Variants in DIO1 observed in about 807,000 individuals in gnomAD.
DIO1 encodes the protein type I iodothyronine deiodinase.
A neutral mutation model predicts 25.9 loss-of-function variants in DIO1; 17 were observed. The ratio of observed to expected loss-of-function variants is 0.66; its 90% CI spans 0.45 to 0.98. The LOEUF (loss-of-function observed/expected upper bound fraction) is 0.98, where lower values mean the gene tolerates loss of function less well. Among genes scored for constraint, DIO1 ranks in the 50% least tolerant of loss-of-function variants. DIO1 has a pLI of 0.00. For missense variants in DIO1, 270 were observed against 310.4 expected (o/e 0.87, Z 0.98); for synonymous variants, 115 against 114.0 (o/e 1.01, Z -0.05).
chr1:53,908,059 T>A (rs1187704004), intron 3 of DIO1, among the ~76,000 whole-genome samples: 1 of 149,740 alleles, frequency 6.7e-6, no homozygotes, highest in African/African-American at 2.5e-5. Flanking sequence ...CTGTCTCTAC[T>A]AAAAATACAA....
intron 1 of DIO1, among the ~76,000 whole-genome samples, chr1:53,895,497 T>C (rs1179640073): frequency 6.6e-6 from 1 of 152,226 alleles, no homozygotes; most frequent in East Asian, 1.9e-4. Context: ...TTTCGTCGAC[T>C]TGAGTTCTTG....
At chr1:53,909,042 A>G (rs1651799908) in intron 3 of DIO1, among the ~76,000 whole-genome samples, 2 of 147,116 alleles carry the variant, frequency 1.4e-5, no homozygotes, top group African/African-American at 5.0e-5. Context: ...TGCAGTGAGC[A>G]AAGATTGTGC....
intron 1 of DIO1, among the ~76,000 whole-genome samples, chr1:53,904,047 C>T (rs2100773956): frequency 6.7e-6 from 1 of 149,420 alleles, no homozygotes; most frequent in Middle Eastern, 3.4e-3. Flanking sequence ...AAGCTCATAG[C>T]AACAGCTTAT....
intron 3 of DIO1, among the ~76,000 whole-genome samples, chr1:53,909,110 A>G (rs1651806735): frequency 6.9e-6 from 1 of 145,790 alleles, no homozygotes; most frequent in African/African-American, 2.6e-5. Flanking sequence ...AAAAGAAAAG[A>G]AAAAGAAAGT....
At position 53,904,680 on chromosome 1, in the gene DIO1, G is replaced by C. The variant is rs771898897; in HGVS notation, c.352G>C (p.Val118Leu). Residue 118 changes from valine (V) to leucine (L), a missense_variant, in exon 2 of 4, where the codon GTG becomes CTG. Physicochemically the swap from Val to Leu is conservative, Grantham distance 32. Coordinates refer to ENST00000361921, the MANE Select transcript of DIO1 (RefSeq NM_000792.7). ...TGCTGTTTCAGGTAATAGGCCACTG[G>C]TGCTGAATTTTGGAAGTTGTACCTG... ...WEFMQGNRPL[V>L]LNFGSCTUPS... The C allele has an allele frequency of 6.2e-7, 1 of 1,613,650 alleles. No homozygotes were observed. Among genetic ancestry groups the C allele is most frequent in the South Asian group, 1.1e-5 (1 of 90,934 alleles).
At chr1:53,901,022 G>T (rs72662390) in intron 1 of DIO1, among the ~76,000 whole-genome samples, 18,166 of 125,178 alleles carry the variant, frequency 0.15, 1,414 homozygotes, top group South Asian at 0.28. Context: ...CAGAGATAAG[G>T]TCTCACTGTG....
rs1569730034 is a variant in DIO1, at chr1:53,905,461, C to CTGT, written c.482-634_482-633insTGT. 3.9e-5 allele frequency among the ~76,000 whole-genome samples: 6 copies of CTGT among 152,126 alleles called. No individual in the cohort carries two copies. In the East Asian group the frequency reaches 9.6e-4, roughly 24 times the overall value. Reference sequence around the variant, plus strand: ...AAGTGCTGGAATTACAGTCGTGAGCCACTGCACCCAGCCTATATTTGTATT... The same window carrying CTGT: ...AAGTGCTGGAATTACAGTCGTGAGCCTGTACTGCACCCAGCCTATATTTGTATT... On this transcript the variant is annotated intron_variant, in intron 2 of 3. Transcript: ENST00000361921.
chr1:53,903,899 C>T (rs1384884479), intron 1 of DIO1, among the ~76,000 whole-genome samples: 1 of 151,888 alleles, frequency 6.6e-6, no homozygotes, highest in Non-Finnish European at 1.5e-5. Context: ...CTTTCCCCCA[C>T]TTTTTGAACA....
intron 2 of DIO1, 28 bp downstream of exon 2, chr1:53,904,837 C>A: frequency 6.3e-7 from 1 of 1,596,966 alleles, no homozygotes. Context: ...GCCTCTTCTA[C>A]CTCTTCCCAC....
At chr1:53,897,842 G>A (rs1651156687) in intron 1 of DIO1, among the ~76,000 whole-genome samples, 1 of 152,196 alleles carries the variant, frequency 6.6e-6, no homozygotes, top group African/African-American at 2.4e-5. Context: ...ACAGAGTTAA[G>A]ACCTTGTCTC....
chr1:53,898,744 C>CAAAAAAAAAA (rs60469690), intron 1 of DIO1, among the ~76,000 whole-genome samples: 105 of 106,528 alleles, frequency 9.9e-4, no homozygotes, highest in East Asian at 8.5e-3. Flanking sequence ...GACTCTGTCT[C>CAAAAAAAAAA]AAAAAAAAAA....
intron 3 of DIO1, among the ~76,000 whole-genome samples, chr1:53,907,268 G>A (rs1229162985): frequency 6.6e-6 from 1 of 152,156 alleles, no homozygotes. Context: ...GGTAAGCACA[G>A]CCTCTGACTC....
In DIO1 at chr1:53,894,929, C is replaced by A. The variant is rs1297914750; in HGVS notation, c.337+382C>A. ...AGCCCAACTCTCCCATACTAGGCTA[C>A]CCTCTCTCATCTGCCTGCTTAACAT... is the stretch of plus-strand genomic sequence containing the variant. On this transcript the variant is annotated intron_variant, in intron 1 of 3. Transcript: ENST00000361921. The surrounding 1 kb of genome is among the most constrained non-coding windows in gnomAD (Gnocchi z 4.9). Among the ~76,000 whole-genome samples the A allele has an allele frequency of 1.3e-5, 2 of 152,234 alleles. No homozygotes were observed. Among genetic ancestry groups the A allele is most frequent in the African/African-American group, 2.4e-5 (1 of 41,460 alleles).
Position 53,904,704 on chromosome 1 carries a change from T to C in DIO1, c.376T>C (p.Sec126Arg). ...GGTGCTGAATTTTGGAAGTTGTACC[T>C]GACCTTCATTTATGTTCAAATTTGA... The part of the protein sequence containing the change: ...PLVLNFGSCT[U>R]PSFMFKFDQF... Residue 126 changes from selenocysteine to arginine, a missense_variant, in exon 2 of 4, where the codon TGA becomes CGA. Coordinates refer to ENST00000361921, the MANE Select transcript of DIO1 (RefSeq NM_000792.7). The C allele has an allele frequency of 6.2e-7, 1 of 1,613,870 alleles. No individual in the cohort carries two copies. The highest frequency in any genetic ancestry group is 8.5e-7 in the Non-Finnish European group (1 of 1,179,872).
intron 1 of DIO1, among the ~76,000 whole-genome samples, chr1:53,895,510 C>T (rs1312529371): frequency 3.3e-5 from 5 of 152,146 alleles, no homozygotes; most frequent in Non-Finnish European, 2.9e-5. Flanking sequence ...AGTTCTTGAC[C>T]GTTCCAGTTT....
At chr1:53,905,183 T>TC (rs1553158383) in intron 2 of DIO1, among the ~76,000 whole-genome samples, 94 of 149,252 alleles carry the variant, frequency 6.3e-4, no homozygotes, top group South Asian at 3.2e-3. Flanking sequence ...TTTTTTTTTT[T>TC]TTTGAGATAG....
At chr1:53,901,956 T>C (rs1292444273) in intron 1 of DIO1, among the ~76,000 whole-genome samples, 1 of 152,110 alleles carries the variant, frequency 6.6e-6, no homozygotes, top group Non-Finnish European at 1.5e-5. Context: ...CCTTGCTTTA[T>C]ATTCCTATGA....
chr1:53,903,954 CA>C (rs1487452076), intron 1 of DIO1, among the ~76,000 whole-genome samples: 4 of 151,938 alleles, frequency 2.6e-5, no homozygotes, highest in African/African-American at 7.3e-5. Context: ...GCAAATTATG[CA>C]GCTGGTCCTG....
chr1:53,904,571 T>G, intron 1 of DIO1, 95 bp from the exon 2 acceptor site: 1 of 1,490,364 alleles, frequency 6.7e-7, no homozygotes, highest in Admixed American at 2.0e-5. Flanking sequence ...TAGGGGGAAA[T>G]AAAAATAACA....
Sources: gnomAD v4.1 joint callset for allele counts (sites outside exome capture counted in the v4.1 genomes callset) on GRCh38, gnomAD v4.1.1 for gene constraint, Gnocchi (gnomAD v3.1) non-coding constraint, MANE v1.5 for transcripts, NCBI Gene and HGNC (gene_info 2026-07-23, HGNC 2026-07-21) for gene names.